BMPR1B: variants seen among roughly 807,000 people sequenced by gnomAD.
BMPR1B encodes the protein bone morphogenetic protein receptor type-1B.
BMPR1B carries 12 observed loss-of-function variants against 59.1 expected under a neutral mutation model. That is an observed-to-expected ratio of 0.20 (90% CI 0.13 to 0.33). The LOEUF (loss-of-function observed/expected upper bound fraction) is 0.33, where lower values mean the gene tolerates loss of function less well. Ranked by LOEUF, BMPR1B falls within the 10% of genes least tolerant of loss-of-function variation. BMPR1B has a pLI of 1.00. For synonymous variants in BMPR1B, 237 were observed against 207.3 expected (o/e 1.14, Z -1.23); for missense variants, 550 against 610.9 (o/e 0.90, Z 1.05).
chr4:95,109,306 A>G (rs531905613), intron 4 of BMPR1B, among the ~76,000 whole-genome samples: 2 of 152,234 alleles, frequency 1.3e-5, no homozygotes, highest in Non-Finnish European at 2.9e-5. Context: ...TGCAAATGAC[A>G]CCAGGCTGCT....
chr4:94,817,674 CTT>C (rs1724060020), intron 1 of BMPR1B, among the ~76,000 whole-genome samples: 1 of 152,120 alleles, frequency 6.6e-6, no homozygotes. Context: ...ATATTTAAAA[CTT>C]TTCCTGCTCC....
rs1735321205 is a variant in BMPR1B, at chr4:95,155,030, A to G, written c.*357A>G. The stretch of plus-strand genomic sequence containing the variant: ...AGATAATGTGGATGGTTTAAGGGTT[A>G]TAGTATTATAGTTTAAATAATAACA... On this transcript the variant is annotated 3_prime_UTR_variant, in exon 13 of 13. Transcript: ENST00000515059. 1 of 212,584 alleles carries G rather than the reference A, an allele frequency of 4.7e-6. No individual in the cohort carries two copies. The highest frequency in any genetic ancestry group is 7.8e-5 in the South Asian group (1 of 12,884). 13.2% of individuals were successfully genotyped at this position (212,584 alleles called of 1,614,324 possible).
intron 3 of BMPR1B, among the ~76,000 whole-genome samples, chr4:95,000,373 A>C (rs181321324): frequency 2.0e-5 from 3 of 152,204 alleles, no homozygotes; most frequent in African/African-American, 4.8e-5. Context: ...CCATATAACT[A>C]TCCTGTGTTA....
chr4:94,861,376 AG>A (rs1221178891), intron 1 of BMPR1B, among the ~76,000 whole-genome samples: 2 of 152,228 alleles, frequency 1.3e-5, no homozygotes, highest in Non-Finnish European at 2.9e-5. Flanking sequence ...AAGGCTGATT[AG>A]AATTTGCTAT....
chr4:95,014,594 A>C (rs1325922997), intron 3 of BMPR1B, among the ~76,000 whole-genome samples: 1 of 152,218 alleles, frequency 6.6e-6, no homozygotes, highest in Admixed American at 6.5e-5. Context: ...GCATGATTGC[A>C]TTCTCTATTT....
intron 3 of BMPR1B, among the ~76,000 whole-genome samples, chr4:95,010,581 G>A (rs1008158878): frequency 2.0e-5 from 3 of 152,158 alleles, no homozygotes; most frequent in African/African-American, 7.2e-5. Context: ...GGGAGTCTCT[G>A]CTCCTTGGAA....
chr4:94,822,597 G>C (rs1300341707), intron 1 of BMPR1B, among the ~76,000 whole-genome samples: 1 of 152,168 alleles, frequency 6.6e-6, no homozygotes, highest in East Asian at 1.9e-4. Flanking sequence ...GATGAGACTT[G>C]ATGTGCTCTC....
chr4:94,924,705 A>G (rs1728819618), intron 2 of BMPR1B, among the ~76,000 whole-genome samples: 2 of 152,132 alleles, frequency 1.3e-5, no homozygotes, highest in African/African-American at 4.8e-5. Flanking sequence ...CAAGACAATC[A>G]GTGTATTTAA....
intron 6 of BMPR1B, among the ~76,000 whole-genome samples, chr4:95,121,536 A>G (rs970289026): frequency 1.3e-5 from 2 of 152,210 alleles, no homozygotes; most frequent in African/African-American, 4.8e-5. Flanking sequence ...AAAATAATAC[A>G]GACACACAAA....
chr4:95,052,123 TA>T (rs1361477653), intron 3 of BMPR1B, among the ~76,000 whole-genome samples: 1 of 152,232 alleles, frequency 6.6e-6, no homozygotes, highest in Non-Finnish European at 1.5e-5. Flanking sequence ...TTTTTCTGAT[TA>T]TTTTAGCTTG....
intron 2 of BMPR1B, among the ~76,000 whole-genome samples, chr4:94,957,333 GTTTTTTTTT>G (rs56341742): frequency 3.0e-4 from 20 of 65,664 alleles, no homozygotes; most frequent in Admixed American, 6.1e-4. Context: ...CCTGTTTCGT[GTTTTTTTTT>G]TTTTTTTTTT....
At chr4:94,852,461 A>G (rs1255559242) in intron 1 of BMPR1B, among the ~76,000 whole-genome samples, 1 of 152,176 alleles carries the variant, frequency 6.6e-6, no homozygotes, top group East Asian at 1.9e-4. Flanking sequence ...CTATATTTTA[A>G]TATTACTAAA....
intron 3 of BMPR1B, among the ~76,000 whole-genome samples, chr4:95,047,489 T>G (rs1361978864): frequency 1.3e-5 from 2 of 152,148 alleles, no homozygotes; most frequent in Non-Finnish European, 2.9e-5. Flanking sequence ...TGAAGTGCCA[T>G]TCTCATCATA....
chr4:95,013,235 T>G (rs1723349356), intron 3 of BMPR1B, among the ~76,000 whole-genome samples: 2 of 152,120 alleles, frequency 1.3e-5, no homozygotes, highest in South Asian at 4.1e-4. Flanking sequence ...TATGTAAAAG[T>G]TCTAGAATTT....
chr4:94,807,947 C>G (rs1323433963), intron 1 of BMPR1B, among the ~76,000 whole-genome samples: 1 of 152,160 alleles, frequency 6.6e-6, no homozygotes, highest in Non-Finnish European at 1.5e-5. Context: ...CTGGACCTCA[C>G]AAAGTTCTGG....
intron 1 of BMPR1B, among the ~76,000 whole-genome samples, chr4:94,788,294 A>G (rs1018046510): frequency 6.6e-6 from 1 of 152,204 alleles, no homozygotes; most frequent in African/African-American, 2.4e-5. Context: ...TGGTAGACCA[A>G]TGAACTGTGA....
chr4:94,918,545 A>T (rs149528041), intron 2 of BMPR1B, among the ~76,000 whole-genome samples: 2 of 152,152 alleles, frequency 1.3e-5, no homozygotes, highest in Admixed American at 1.3e-4. Context: ...GCAGTGTGGC[A>T]CACGCCTGTA....
chr4:94,941,281 AATT>A (rs1366255828), intron 2 of BMPR1B, among the ~76,000 whole-genome samples: 2 of 140,206 alleles, frequency 1.4e-5, no homozygotes, highest in Non-Finnish European at 3.2e-5. Flanking sequence ...AATACAAAAA[AATT>A]AGTGGGGCAT....
At chr4:94,883,315 A>G (rs1727053062) in intron 2 of BMPR1B, among the ~76,000 whole-genome samples, 1 of 152,180 alleles carries the variant, frequency 6.6e-6, no homozygotes, top group Non-Finnish European at 1.5e-5. Context: ...AGAGTCTCAA[A>G]GGAGTCTCTG....
Sources: gnomAD v4.1 joint callset for allele counts (sites outside exome capture counted in the v4.1 genomes callset) on GRCh38, gnomAD v4.1.1 for gene constraint, MANE v1.5 for transcripts, NCBI Gene and HGNC (gene_info 2026-07-23, HGNC 2026-07-21) for gene names.